The following GPBP1L1 variants were observed in gnomAD, a reference collection of about 807,000 sequenced individuals.
The protein encoded by GPBP1L1 is vasculin-like protein 1.
GPBP1L1 carries 23 observed loss-of-function variants against 52.5 expected under a neutral mutation model. The observed-to-expected ratio is 0.44, with a 90% CI of 0.32 to 0.62. GPBP1L1 has a LOEUF of 0.62. GPBP1L1 is among the 20% of genes least tolerant of loss of function. The pLI is 0.06. For missense variants in GPBP1L1, 596 were observed against 579.3 expected (o/e 1.03, Z -0.30); for synonymous variants, 243 against 203.1 (o/e 1.20, Z -1.67).
intron 4 of GPBP1L1, 59 bp downstream of exon 4, chr1:45,658,968 CA>C (rs1644915417): frequency 1.6e-6 from 2 of 1,227,684 alleles, no homozygotes; most frequent in East Asian, 4.7e-5. Context: ...AAAAAACAAC[CA>C]AAACCACCCC....
At chr1:45,664,601 T>C (rs988959648) in intron 2 of GPBP1L1, among the ~76,000 whole-genome samples, 1 of 152,098 alleles carries the variant, frequency 6.6e-6, no homozygotes, top group African/African-American at 2.4e-5. Context: ...AATTATTCCA[T>C]AGAGATGGGG....
chr1:45,629,454 T>TCTTCC, intron 12 of GPBP1L1, 122 bp downstream of exon 12: 1 of 115,396 alleles, frequency 8.7e-6, no homozygotes, highest in Non-Finnish European at 1.6e-5. Context: ...ACTAAGGTAA[T>TCTTCC]CCCCCCCCCC....
At chr1:45,671,412 G>A (rs1645072774) in intron 2 of GPBP1L1, among the ~76,000 whole-genome samples, 1 of 152,068 alleles carries the variant, frequency 6.6e-6, no homozygotes. Context: ...GTTTCACCAT[G>A]TTGGCCAAGC....
Position 45,639,693 on chromosome 1 carries a change from C to T in GPBP1L1, c.744+517G>A, listed in dbSNP as rs1197899349. Among the ~76,000 whole-genome samples the T allele has an allele frequency of 7.3e-5, 11 of 151,330 alleles. No individual in the cohort carries two copies. The South Asian group carries it at 1.3e-3, about 17-fold the overall frequency. ...AGATTGAGACCATCCTGGCTAACAACGGTGAAACCCCGTCTCTACTAAAAA... is the reference window on the plus strand; with the variant it reads ...AGATTGAGACCATCCTGGCTAACAATGGTGAAACCCCGTCTCTACTAAAAA... On this transcript the variant is annotated intron_variant, in intron 8 of 12. Coordinates refer to ENST00000355105, the MANE Select transcript of GPBP1L1 (RefSeq NM_021639.5).
At chr1:45,678,308 G>T (rs993659966) in intron 2 of GPBP1L1, among the ~76,000 whole-genome samples, 1 of 152,170 alleles carries the variant, frequency 6.6e-6, no homozygotes, top group Non-Finnish European at 1.5e-5. Context: ...ACAGCTCAAT[G>T]AAGCTATTCT....
intron 1 of GPBP1L1, among the ~76,000 whole-genome samples, chr1:45,686,049 A>C (rs1254284796): frequency 2.0e-5 from 3 of 152,262 alleles, no homozygotes; most frequent in Non-Finnish European, 2.9e-5. Context: ...TCAAGAAGGA[A>C]AGAAAAAAAC....
intron 2 of GPBP1L1, among the ~76,000 whole-genome samples, chr1:45,663,538 C>T (rs928155468): frequency 1.3e-5 from 2 of 152,190 alleles, no homozygotes; most frequent in Non-Finnish European, 1.5e-5. Context: ...CCATCACCCT[C>T]AAGAAGCTGG....
intron 6 of GPBP1L1, chr1:45,651,770 G>C: frequency 3.1e-6 from 1 of 319,988 alleles, no homozygotes; most frequent in South Asian, 6.1e-5. Flanking sequence ...TCTGCTTCTT[G>C]ACGACAGCAG....
chr1:45,635,969 C>T (rs1275536644), intron 8 of GPBP1L1, among the ~76,000 whole-genome samples: 1 of 152,142 alleles, frequency 6.6e-6, no homozygotes, highest in Non-Finnish European at 1.5e-5. Context: ...TTCCCTCAAT[C>T]TTATATACCA....
Position 45,628,162 on chromosome 1 carries a change from A to C in GPBP1L1, c.*94T>G. The C allele has an allele frequency of 2.5e-6, 3 of 1,199,658 alleles. No individual in the cohort carries two copies. Among genetic ancestry groups the C allele is most frequent in the South Asian group, 2.7e-5 (2 of 73,036 alleles). 74.3% of individuals were successfully genotyped at this position (1,199,658 alleles called of 1,614,324 possible). ...ATTTCCCTTGTGAATGAAGTATTCA[A>C]CAACATAAGAAAAGGAAAAGAACGA... On this transcript the variant is annotated 3_prime_UTR_variant, in exon 13 of 13. Transcript: ENST00000355105.
intron 10 of GPBP1L1, among the ~76,000 whole-genome samples, chr1:45,632,136 G>A (rs544824429): frequency 1.1e-4 from 16 of 152,348 alleles, no homozygotes; most frequent in African/African-American, 3.4e-4. Flanking sequence ...CCACAAGGCT[G>A]TGTTCCAGAG....
At position 45,634,486 on chromosome 1, in the gene GPBP1L1, G is replaced by A. The variant is rs910197432; in HGVS notation, c.745-250C>T. 2.0e-5 allele frequency: 7 copies of A among 344,238 alleles called. 1 individual carries two copies. Among genetic ancestry groups the A allele is most frequent in the Non-Finnish European group, 3.2e-5 (6 of 189,126 alleles). 21.3% of individuals were successfully genotyped at this position (344,238 alleles called of 1,614,324 possible). A position where few individuals can be genotyped will look rare whatever the true frequency, so the allele number is the denominator to read the frequency against. On this transcript the variant is annotated intron_variant, in intron 8 of 12. Coordinates refer to ENST00000355105, the MANE Select transcript of GPBP1L1 (RefSeq NM_021639.5). ...CCAAAAACAGGGCTCTAGTTCAATA[G>A]TTCAATGAGTTTGGGAGGTGCCGGG...
At chr1:45,628,521 G>A (rs529554606) in intron 12 of GPBP1L1, 113 bp from the exon 13 acceptor site, 45 of 925,244 alleles carry the variant, frequency 4.9e-5, no homozygotes, top group Middle Eastern at 3.2e-4. Flanking sequence ...AATGTGGGGC[G>A]GGGGGTGCTT....
intron 2 of GPBP1L1, among the ~76,000 whole-genome samples, chr1:45,680,487 C>T (rs1253429322): frequency 6.6e-6 from 1 of 152,068 alleles, no homozygotes; most frequent in Non-Finnish European, 1.5e-5. Context: ...GATCCGCCTG[C>T]CTCAGCCTCC....
In GPBP1L1 at chr1:45,633,868, C is replaced by CA. The variant is rs1397077065; in HGVS notation, c.886-222dup. On this transcript the variant is annotated intron_variant, in intron 9 of 12. Transcript: ENST00000355105. ...ACCTCTTTGATCTTTCTACAGACAT[C>CA]AGCAGAATGCCAGTCTAACATAGGA... 24 of 648,444 alleles carry CA rather than the reference C, an allele frequency of 3.7e-5. No individual in the cohort carries two copies. In the Admixed American group the frequency reaches 7.2e-4, roughly 19 times the overall value. The allele number at this position is 648,444 out of a possible 1,614,324, so 40.2% of individuals were successfully genotyped here.
intron 11 of GPBP1L1, among the ~76,000 whole-genome samples, chr1:45,630,236 C>A (rs1317863895): frequency 6.6e-6 from 1 of 152,180 alleles, no homozygotes; most frequent in Admixed American, 6.5e-5. Flanking sequence ...CAGGCATGAG[C>A]CACTGCGCCC....
At chr1:45,640,479 C>A in intron 7 of GPBP1L1, 76 bp from the exon 8 acceptor site, 1 of 1,190,272 alleles carries the variant, frequency 8.4e-7, no homozygotes, top group Non-Finnish European at 1.2e-6. Context: ...TATACAAAGG[C>A]CTTAGTCAAC....
intron 2 of GPBP1L1, among the ~76,000 whole-genome samples, chr1:45,683,751 CAAAA>C (rs55857116): frequency 0.36 from 33,664 of 92,978 alleles, 4,863 homozygotes; most frequent in Middle Eastern, 0.51. Context: ...TAATAAAATA[CAAAA>C]AAAAAAAAAA....
At chr1:45,669,122 T>C (rs756987535) in intron 2 of GPBP1L1, among the ~76,000 whole-genome samples, 9 of 152,234 alleles carry the variant, frequency 5.9e-5, no homozygotes, top group Non-Finnish European at 1.3e-4. Context: ...TAAAAAGCAT[T>C]GTCCTCTCTG....
Sources: gnomAD v4.1 joint callset for allele counts (sites outside exome capture counted in the v4.1 genomes callset) on GRCh38, gnomAD v4.1.1 for gene constraint, MANE v1.5 for transcripts, NCBI Gene and HGNC (gene_info 2026-07-23, HGNC 2026-07-21) for gene names.